NXPE2: variants seen among roughly 807,000 people sequenced by gnomAD.
NXPE2 encodes neurexophilin and PC-esterase domain family member 2.
In NXPE2, 34 loss-of-function variants were observed where a neutral mutation model predicts 34.4. That is an observed-to-expected ratio of 0.99 (90% confidence interval 0.75 to 1.31). The LOEUF (loss-of-function observed/expected upper bound fraction) is 1.31, where lower values mean the gene tolerates loss of function less well. Among genes scored for constraint, NXPE2 ranks in the 40% most tolerant of loss-of-function variants. NXPE2 has a pLI of 0.00. For synonymous variants in NXPE2, 235 were observed against 231.3 expected, an observed-to-expected ratio of 1.02 and a Z score of -0.15; for missense variants, 649 against 672.5, an observed-to-expected ratio of 0.97 and a Z score of 0.39.
At chr11:114,739,320 CT>C in the NXPE2 span, among the ~76,000 whole-genome samples, 1 of 54,884 alleles carries the variant, frequency 1.8e-5, no homozygotes, top group Non-Finnish European at 4.1e-5. Context: ...TCCTTCCTTC[CT>C]TCCTTCCTTC....
the NXPE2 span, among the ~76,000 whole-genome samples, chr11:114,628,448 A>G: frequency 6.6e-6 from 1 of 152,222 alleles, no homozygotes; most frequent in Non-Finnish European, 1.5e-5. Context: ...TGAAAGCAGA[A>G]ATAAAGATGT....
the NXPE2 span, among the ~76,000 whole-genome samples, chr11:114,622,736 C>A: frequency 2.0e-5 from 3 of 151,514 alleles, no homozygotes; most frequent in Admixed American, 2.0e-4. Flanking sequence ...TCGTGTGTAA[C>A]CACTGTTACC....
At chr11:114,734,243 A>C in the NXPE2 span, among the ~76,000 whole-genome samples, 1 of 152,198 alleles carries the variant, frequency 6.6e-6, no homozygotes, top group Non-Finnish European at 1.5e-5. Flanking sequence ...ATTTTGCTAA[A>C]AAAAATCCAT....
Position 114,706,986 on chromosome 11 carries a change from G to T in NXPE2, c.*56G>T. ...TTCTATAGATGATCTCACATATACA[G>T]CGAAGATAGTTTAATGCAATCCAAG... On this transcript the variant is annotated 3_prime_UTR_variant, in exon 6 of 6. Coordinates refer to ENST00000389586, the MANE Select transcript of NXPE2 (RefSeq NM_182495.6). 7.4e-7 allele frequency: 1 copy of T among 1,354,008 alleles called. No homozygotes were observed. The highest frequency in any genetic ancestry group is 9.9e-7 in the Non-Finnish European group (1 of 1,012,046). 83.9% of individuals were successfully genotyped at this position (1,354,008 alleles called of 1,614,324 possible). A position where few individuals can be genotyped will look rare whatever the true frequency, so the allele number is the denominator to read the frequency against.
the NXPE2 span, among the ~76,000 whole-genome samples, chr11:114,640,558 T>G: frequency 6.6e-6 from 1 of 151,896 alleles, no homozygotes; most frequent in Non-Finnish European, 1.5e-5. Flanking sequence ...GTTGTACTAA[T>G]TTACACTCCC....
At chr11:114,650,618 C>G in the NXPE2 span, among the ~76,000 whole-genome samples, 1 of 152,164 alleles carries the variant, frequency 6.6e-6, no homozygotes, top group African/African-American at 2.4e-5. Flanking sequence ...AATAAGACCT[C>G]TATCCCTAGG....
chr11:114,721,243 G>GC, the NXPE2 span, among the ~76,000 whole-genome samples: 4 of 138,866 alleles, frequency 2.9e-5, no homozygotes, highest in Non-Finnish European at 6.3e-5. Context: ...CTTTCTTCAG[G>GC]TTTTTTTTTT....
the NXPE2 span, among the ~76,000 whole-genome samples, chr11:114,512,445 T>C: frequency 1.3e-5 from 2 of 152,054 alleles, no homozygotes; most frequent in African/African-American, 4.8e-5. Flanking sequence ...AGTGTCAAAC[T>C]TGGCAGCCAC....
chr11:114,471,615 T>G, the NXPE2 span, among the ~76,000 whole-genome samples: 7 of 152,156 alleles, frequency 4.6e-5, no homozygotes, highest in Non-Finnish European at 1.0e-4. Context: ...AACCTCCATG[T>G]CCTCATCTCA....
the NXPE2 span, among the ~76,000 whole-genome samples, chr11:114,776,299 C>A: frequency 1.3e-5 from 2 of 152,256 alleles, no homozygotes; most frequent in African/African-American, 4.8e-5. Context: ...TATTTAACAG[C>A]ACTTGTCATC....
At chr11:114,514,854 A>G in the NXPE2 span, among the ~76,000 whole-genome samples, 1,300 of 151,986 alleles carry the variant, frequency 8.6e-3, 17 homozygotes, top group African/African-American at 0.03. Context: ...TTTTTTGCTT[A>G]TTTATCTTTG....
the NXPE2 span, among the ~76,000 whole-genome samples, chr11:114,485,383 C>CTTTTTTT: frequency 1.1e-5 from 1 of 89,220 alleles, no homozygotes; most frequent in Non-Finnish European, 2.0e-5. Context: ...TAATTTTTGT[C>CTTTTTTT]TTTTTTTTTT....
the NXPE2 span, among the ~76,000 whole-genome samples, chr11:114,653,794 C>T: frequency 6.6e-6 from 1 of 152,012 alleles, no homozygotes; most frequent in African/African-American, 2.4e-5. Flanking sequence ...TCCCAAAGTG[C>T]TGGGATTACA....
At chr11:114,568,854 CTTTT>C in the NXPE2 span, among the ~76,000 whole-genome samples, 1 of 152,118 alleles carries the variant, frequency 6.6e-6, no homozygotes, top group African/African-American at 2.4e-5. Context: ...AATTTTATGT[CTTTT>C]TTGTTTATTA....
chr11:114,541,365 AAT>A, the NXPE2 span, among the ~76,000 whole-genome samples: 1 of 152,198 alleles, frequency 6.6e-6, no homozygotes, highest in African/African-American at 2.4e-5. Context: ...AACTATGCTC[AAT>A]GAGGTAAAAG....
the NXPE2 span, among the ~76,000 whole-genome samples, chr11:114,638,731 C>G: frequency 2.0e-5 from 3 of 152,024 alleles, no homozygotes; most frequent in Non-Finnish European, 4.4e-5. Context: ...GAAGTCTACT[C>G]CAGACCCTGT....
chr11:114,546,224 A>G, the NXPE2 span, among the ~76,000 whole-genome samples: 1 of 152,168 alleles, frequency 6.6e-6, no homozygotes, highest in Non-Finnish European at 1.5e-5. Flanking sequence ...TTCTGAAACC[A>G]TTGTATGTGT....
At chr11:114,781,518 G>A in the NXPE2 span, among the ~76,000 whole-genome samples, 2 of 152,152 alleles carry the variant, frequency 1.3e-5, no homozygotes, top group Non-Finnish European at 2.9e-5. Flanking sequence ...CACAGGTAGT[G>A]GTAAAATGAG....
the NXPE2 span, among the ~76,000 whole-genome samples, chr11:114,729,503 C>A: frequency 6.6e-6 from 1 of 152,218 alleles, no homozygotes; most frequent in East Asian, 1.9e-4. Context: ...TCCACAGTGG[C>A]TAAACTAATT....
Sources: gnomAD v4.1 joint callset for allele counts (sites outside exome capture counted in the v4.1 genomes callset) on GRCh38, gnomAD v4.1.1 for gene constraint, MANE v1.5 for transcripts, NCBI Gene and HGNC (gene_info 2026-07-23, HGNC 2026-07-21) for gene names.